MLIP: variants seen among roughly 807,000 people sequenced by gnomAD.
MLIP encodes muscular LMNA-interacting protein.
Under a neutral mutation model 84.8 loss-of-function variants are expected in MLIP, and 79 were observed. That is an observed-to-expected ratio of 0.93 (90% confidence interval 0.78 to 1.12). The LOEUF is 1.12. Among genes scored for constraint, MLIP ranks in the 50% most tolerant of loss-of-function variants. The pLI, the probability that MLIP is intolerant of heterozygous loss-of-function variation, is 0.00. For missense variants in MLIP, 1,257 were observed against 1,160.6 expected, an observed-to-expected ratio of 1.08 and a Z score of -1.21; for synonymous variants, 504 against 463.0, an observed-to-expected ratio of 1.09 and a Z score of -1.14.
chr6:54,153,010 G>T (rs114091282), intron 5 of MLIP, among the ~76,000 whole-genome samples: 4,394 of 151,938 alleles, frequency 0.029, 221 homozygotes, highest in African/African-American at 0.1. Context: ...TATTTCTGAG[G>T]ATAAAATTAG....
chr6:54,019,588 A>G (rs766553218), intron 1 of MLIP, among the ~76,000 whole-genome samples: 8 of 152,226 alleles, frequency 5.3e-5, no homozygotes, highest in Non-Finnish European at 8.8e-5. Context: ...ATACTAAGCA[A>G]TTAAATGTCA....
chr6:54,075,942 A>G (rs1350054812), intron 1 of MLIP, among the ~76,000 whole-genome samples: 1 of 152,236 alleles, frequency 6.6e-6, no homozygotes, highest in Non-Finnish European at 1.5e-5. Context: ...TTGAATATGT[A>G]TGTTTCATCA....
chr6:54,070,340 C>G (rs868085106), intron 1 of MLIP, among the ~76,000 whole-genome samples: 17 of 152,138 alleles, frequency 1.1e-4, no homozygotes, highest in Non-Finnish European at 1.9e-4. Context: ...ACCTCCCCCC[C>G]ATGTTTAATG....
At chr6:54,034,738 G>GA (rs1051900761) in intron 1 of MLIP, among the ~76,000 whole-genome samples, 25 of 152,106 alleles carry the variant, frequency 1.6e-4, no homozygotes, top group African/African-American at 5.8e-4. Context: ...TATTATTGAA[G>GA]AAAAAATATT....
chr6:54,044,426 G>A (rs1384027688), intron 1 of MLIP, among the ~76,000 whole-genome samples: 1 of 152,170 alleles, frequency 6.6e-6, no homozygotes, highest in Non-Finnish European at 1.5e-5. Flanking sequence ...CCCAAATGGG[G>A]CACTCTGTGT....
At chr6:54,034,614 T>C (rs1764322248) in intron 1 of MLIP, among the ~76,000 whole-genome samples, 1 of 152,174 alleles carries the variant, frequency 6.6e-6, no homozygotes, top group Non-Finnish European at 1.5e-5. Context: ...AAATACTTTT[T>C]GTATAGCTGT....
At chr6:54,217,820 C>T (rs1017590081) in intron 11 of MLIP, 2 of 985,028 alleles carry the variant, frequency 2.0e-6, no homozygotes, top group Middle Eastern at 5.2e-4. Context: ...CCCTCAAAAA[C>T]TAAAACATTA....
At chr6:54,175,404 T>C (rs9464028) in intron 9 of MLIP, among the ~76,000 whole-genome samples, 10,698 of 151,936 alleles carry the variant, frequency 0.07, 530 homozygotes, top group East Asian at 0.21. Flanking sequence ...TTTTTGTGTG[T>C]CCTCTTCAAT....
At position 54,061,876 on chromosome 6, in the gene MLIP, T is replaced by A. The variant is rs1765983165; in HGVS notation, c.63+42785T>A. 2.0e-5 allele frequency among the ~76,000 whole-genome samples: 3 copies of A among 152,184 alleles called. No homozygotes were observed. In the South Asian group the frequency reaches 6.2e-4, roughly 32 times the overall value. On this transcript the variant is annotated intron_variant, in intron 1 of 12. Coordinates refer to the MLIP transcript ENST00000274897. The stretch of plus-strand genomic sequence containing the variant: ...GGTTAGTTTAGAAGTCCTATTTTGG[T>A]TATAGCTCCAGGATTGCCTAGGGAT...
chr6:54,178,603 C>T (rs760274561), intron 9 of MLIP, among the ~76,000 whole-genome samples: 2 of 152,140 alleles, frequency 1.3e-5, no homozygotes, highest in East Asian at 1.9e-4. Context: ...CATTATCATT[C>T]GTTTAAAGAA....
At chr6:54,158,984 C>T (rs1246816962) in intron 5 of MLIP, among the ~76,000 whole-genome samples, 1 of 152,074 alleles carries the variant, frequency 6.6e-6, no homozygotes. Context: ...GTGATCAGGG[C>T]TCACTGCAGT....
Position 54,136,832 on chromosome 6 carries a change from G to T in MLIP, c.763G>T (p.Val255Phe). Residue 255 changes from valine (V) to phenylalanine (F), a missense_variant, in exon 4 of 14, where the codon GTC becomes TTC. By Grantham distance (50) the Val-to-Phe change is conservative. Coordinates refer to ENST00000502396, the MANE Select transcript of MLIP (RefSeq NM_001281747.2). ...CCCAGTTAACCTCGAGGGAGCCTCT[G>T]TCCTAGAGGAGTTCCACACTAGGAG... ...PDPVNLEGAS[V>F]LEEFHTRRLD... 6.5e-7 allele frequency: 1 copy of T among 1,534,734 alleles called. No homozygotes were observed. Among genetic ancestry groups the T allele is most frequent in the Non-Finnish European group, 8.7e-7 (1 of 1,145,802 alleles).
chr6:54,154,915 C>A lies in MLIP; in HGVS notation c.2290-5452C>A, dbSNP rs1190315588. ...AGGTGCTTCTGGAAATAAAGAACAC[C>A]CTTCTGACATCCTTAATTGAATGCA... On this transcript the variant is annotated intron_variant, in intron 5 of 13. Transcript: ENST00000502396. Among the ~76,000 whole-genome samples, 5 of 151,964 alleles carry A rather than the reference C, an allele frequency of 3.3e-5. No homozygotes were observed. In the East Asian group the frequency reaches 9.7e-4, roughly 29 times the overall value.
intron 4 of MLIP, among the ~76,000 whole-genome samples, chr6:54,146,015 A>G (rs747919917): frequency 6.6e-6 from 1 of 152,142 alleles, no homozygotes; most frequent in Non-Finnish European, 1.5e-5. Flanking sequence ...CATTGCTTAC[A>G]ATGACAAACC....
At chr6:54,221,849 A>G (rs566454608) in intron 11 of MLIP, among the ~76,000 whole-genome samples, 8 of 152,040 alleles carry the variant, frequency 5.3e-5, no homozygotes, top group Non-Finnish European at 5.9e-5. Context: ...CTGACTATAC[A>G]TTAAGCTAAA....
intron 3 of MLIP, among the ~76,000 whole-genome samples, chr6:54,135,247 A>C (rs1318353421): frequency 6.6e-6 from 1 of 152,052 alleles, no homozygotes. Context: ...TTCTTCTTCC[A>C]TTTGATTCAA....
chr6:54,153,241 C>A (rs1309791009), intron 5 of MLIP, among the ~76,000 whole-genome samples: 1 of 150,334 alleles, frequency 6.7e-6, no homozygotes, highest in African/African-American at 2.4e-5. Flanking sequence ...ATTTTAACAA[C>A]TAATAAAAAC....
intron 13 of MLIP, among the ~76,000 whole-genome samples, chr6:54,260,838 G>A (rs1562119668): frequency 6.6e-6 from 1 of 151,842 alleles, no homozygotes; most frequent in African/African-American, 2.4e-5. Context: ...GCTTAGGATG[G>A]GGCTGGCATA....
chr6:54,216,683 G>T, intron 11 of MLIP: 1 of 984,818 alleles, frequency 1.0e-6, no homozygotes, highest in Non-Finnish European at 1.2e-6. Context: ...AATTTTCTTG[G>T]TTCAAATCAG....
Sources: allele counts gnomAD v4.1 joint callset (sites outside exome capture counted in the v4.1 genomes callset), GRCh38; gene constraint gnomAD v4.1.1; transcripts MANE v1.5; gene names NCBI Gene and HGNC (gene_info 2026-07-23, HGNC 2026-07-21).